Variants in TNRC6A observed in about 807,000 individuals in gnomAD.
TNRC6A encodes the protein trinucleotide repeat containing adaptor 6A, also known as trinucleotide repeat-containing gene 6A protein.
A neutral mutation model predicts 221.2 loss-of-function variants in TNRC6A; 44 were observed. That is an observed-to-expected ratio of 0.20 (90% CI 0.16 to 0.26). TNRC6A has a LOEUF of 0.26. Among genes scored for constraint, TNRC6A ranks in the 10% least tolerant of loss-of-function variants. The probability of loss-of-function intolerance (pLI) is 1.00; values close to 1 mark genes in which losing one functional copy is unlikely to be tolerated. For synonymous variants in TNRC6A, 847 were observed against 838.5 expected (o/e 1.01, Z -0.18); for missense variants, 2,199 against 2,404.4 (o/e 0.91, Z 1.79).
intron 1 of TNRC6A, among the ~76,000 whole-genome samples, chr16:24,631,836 T>C (rs1164277093): frequency 6.6e-6 from 1 of 151,048 alleles, no homozygotes; most frequent in Non-Finnish European, 1.5e-5. Flanking sequence ...AGACTTGGAC[T>C]CCACTTAAGT....
At chr16:24,786,389 G>A (rs1003225635) in intron 5 of TNRC6A, among the ~76,000 whole-genome samples, 2 of 148,940 alleles carry the variant, frequency 1.3e-5, no homozygotes, top group African/African-American at 5.0e-5. Context: ...GCAGTGGCAC[G>A]ATCTTGGCTC....
Position 24,666,639 on chromosome 16 carries a change from G to GAA in TNRC6A, n.402+25659_402+25660dup, listed in dbSNP as rs1164353374. On this transcript the variant is annotated intron_variant and non_coding_transcript_variant, in intron 2 of 2. Coordinates refer to the TNRC6A transcript ENST00000566108. ...TGACAGAGCAAGACCCTGTCTTAGA[G>GAA]AAAAAAAAAAAAAAAAAAAAAAAAA... 6.2e-3 allele frequency among the ~76,000 whole-genome samples: 194 copies of GAA among 31,496 alleles called. 2 individuals carry two copies. Among genetic ancestry groups the GAA allele is most frequent in the Non-Finnish European group, 9.5e-3 (166 of 17,496 alleles). 20.7% of individuals were successfully genotyped at this position (31,496 alleles called of 152,430 possible).
intron 2 of TNRC6A, among the ~76,000 whole-genome samples, chr16:24,696,162 C>T (rs527832377): frequency 6.2e-4 from 94 of 152,030 alleles, no homozygotes; most frequent in African/African-American, 2.2e-3. Context: ...TCCTGGCTAA[C>T]ACGGTGAAAC....
Position 24,651,733 on chromosome 16 carries a change from AAAAAT to A in TNRC6A, n.402+10739_402+10743del, listed in dbSNP as rs376214986. Among the ~76,000 whole-genome samples, 269 of 151,176 alleles carry A rather than the reference AAAAAT, an allele frequency of 1.8e-3. 2 individuals carry two copies. The South Asian group carries it at 0.025, about 14-fold the overall frequency. On this transcript the variant is annotated intron_variant and non_coding_transcript_variant, in intron 2 of 2. Transcript: ENST00000566108. ...CAAAAGAAAAAGAAATTTAAAAATAAAAAATAAAATAAAATAAAAATAGGCACATG... is the reference window on the plus strand; with the variant it reads ...CAAAAGAAAAAGAAATTTAAAAATAAAAAATAAAATAAAAATAGGCACATG...
At chr16:24,741,166 G>T (rs2056884099) in intron 2 of TNRC6A, among the ~76,000 whole-genome samples, 1 of 152,016 alleles carries the variant, frequency 6.6e-6, no homozygotes, top group Admixed American at 6.6e-5. Flanking sequence ...TCTTTTTTCT[G>T]ACTGGAACCT....
chr16:24,699,227 C>T (rs972153213), intron 2 of TNRC6A, among the ~76,000 whole-genome samples: 2 of 152,170 alleles, frequency 1.3e-5, no homozygotes, highest in South Asian at 4.1e-4. Context: ...CACTGATGAA[C>T]TAAGTCCTAT....
At chr16:24,637,020 G>GT (rs966517554) in intron 1 of TNRC6A, among the ~76,000 whole-genome samples, 4 of 151,756 alleles carry the variant, frequency 2.6e-5, no homozygotes, top group South Asian at 4.2e-4. Flanking sequence ...TGTTGCAGGG[G>GT]TTTTTTTTGT....
chr16:24,756,414 T>G (rs531832966), intron 3 of TNRC6A, among the ~76,000 whole-genome samples: 29 of 152,312 alleles, frequency 1.9e-4, no homozygotes, highest in Non-Finnish European at 4.3e-4. Context: ...GAACTCTTAG[T>G]TCCGTTTCTT....
intron 2 of TNRC6A, among the ~76,000 whole-genome samples, chr16:24,689,719 C>T (rs1283626399): frequency 3.4e-4 from 51 of 151,976 alleles, no homozygotes; most frequent in Admixed American, 3.3e-3. Flanking sequence ...TGAATAAGTA[C>T]ACATATAAAG....
At chr16:24,704,334 T>C (rs1480738522) in intron 2 of TNRC6A, among the ~76,000 whole-genome samples, 6 of 151,832 alleles carry the variant, frequency 4.0e-5, no homozygotes, top group Non-Finnish European at 7.4e-5. Context: ...TTAACATACA[T>C]TGTGACATGA....
chr16:24,771,030 C>T (rs545391012), intron 4 of TNRC6A, among the ~76,000 whole-genome samples: 7 of 152,210 alleles, frequency 4.6e-5, no homozygotes, highest in East Asian at 1.9e-4. Context: ...TGGATGCAGG[C>T]GCATATGTGA....
chr16:24,668,928 A>G (rs72768618), intron 2 of TNRC6A, among the ~76,000 whole-genome samples: 21,708 of 152,030 alleles, frequency 0.14, 1,961 homozygotes, highest in East Asian at 0.39. Flanking sequence ...TCAACAGGAA[A>G]AGGGTATTAG....
intron 5 of TNRC6A, 122 bp from the exon 6 acceptor site, chr16:24,789,110 A>G (rs113946862): frequency 5.0e-6 from 5 of 1,003,144 alleles, no homozygotes; most frequent in Non-Finnish European, 7.1e-6. Flanking sequence ...GCCAAGGATC[A>G]TAGCTTGTTA....
Position 24,791,405 on chromosome 16 carries a change from A to G in TNRC6A, c.2763A>G (p.Gly921=). The G allele has an allele frequency of 6.4e-7, 1 of 1,562,470 alleles. No individual in the cohort carries two copies. Among genetic ancestry groups the G allele is most frequent in the South Asian group, 1.2e-5 (1 of 80,478 alleles). Residue 921 remains glycine (G), a synonymous_variant, in exon 6 of 25, where the codon GGA becomes GGG. Transcript: ENST00000395799. ...DESSKPTPSQ[G]WGDPPKSNQS... ...CTTCTAAACCTACTCCTTCCCAGGG[A>G]TGGGGAGACCCTCCAAAGTCTAATC...
At chr16:24,698,668 C>T (rs541850511) in intron 2 of TNRC6A, among the ~76,000 whole-genome samples, 303 of 152,220 alleles carry the variant, frequency 2.0e-3, no homozygotes, top group African/African-American at 6.9e-3. Flanking sequence ...ATTTCCAGAG[C>T]CTGTGCTCCC....
At position 24,658,638 on chromosome 16, in the gene TNRC6A, ATG is replaced by A. The variant is rs1178415329; in HGVS notation, n.402+17630_402+17631del. On this transcript the variant is annotated intron_variant and non_coding_transcript_variant, in intron 2 of 2. Coordinates refer to the TNRC6A transcript ENST00000566108. The stretch of plus-strand genomic sequence containing the variant: ...CTCCCAAAGTGCTGGGATTACAGGT[ATG>A]AGCCACAGAGCCCCACCCACCCTGT... 5.3e-5 allele frequency among the ~76,000 whole-genome samples: 8 copies of A among 152,072 alleles called. No homozygotes were observed. The South Asian group carries it at 1.0e-3, about 20-fold the overall frequency.
intron 1 of TNRC6A, among the ~76,000 whole-genome samples, chr16:24,637,387 A>G (rs2141721396): frequency 6.6e-6 from 1 of 152,288 alleles, no homozygotes; most frequent in African/African-American, 2.4e-5. Context: ...CCCTCCACCC[A>G]TGGGCATGCT....
At chr16:24,676,608 C>A (rs1436806476) in intron 2 of TNRC6A, among the ~76,000 whole-genome samples, 3 of 152,104 alleles carry the variant, frequency 2.0e-5, no homozygotes, top group East Asian at 3.9e-4. Context: ...GCACACGCCA[C>A]CACGCTTGGC....
chr16:24,682,904 T>C (rs1197949500), intron 2 of TNRC6A, among the ~76,000 whole-genome samples: 1 of 152,168 alleles, frequency 6.6e-6, no homozygotes, highest in Non-Finnish European at 1.5e-5. Flanking sequence ...GTACACCAAG[T>C]GTTCGATAAA....
Sources: gnomAD v4.1 joint callset for allele counts (sites outside exome capture counted in the v4.1 genomes callset) on GRCh38, gnomAD v4.1.1 for gene constraint, MANE v1.5 for transcripts, NCBI Gene and HGNC (gene_info 2026-07-23, HGNC 2026-07-21) for gene names.